Variants in PRORP observed in about 807,000 individuals in gnomAD.
The protein encoded by PRORP is protein only RNase P catalytic subunit.
PRORP carries 51 observed loss-of-function variants against 59.4 expected under a neutral mutation model. The observed-to-expected ratio is 0.86, with a 90% CI of 0.69 to 1.08. PRORP has a LOEUF of 1.08. PRORP is among the 50% of genes least tolerant of loss of function. The pLI is 0.00. For missense variants in PRORP, 646 were observed against 690.3 expected, an observed-to-expected ratio of 0.94 and a Z score of 0.72; for synonymous variants, 231 against 245.6, an observed-to-expected ratio of 0.94 and a Z score of 0.55.
rs191411576 is a variant in PRORP, at chr14:35,220,768, A to G, written c.1275+39991A>G. On this transcript the variant is annotated intron_variant, in intron 5 of 7. Coordinates refer to ENST00000534898, the MANE Select transcript of PRORP (RefSeq NM_014672.4). ...TGGCTTTTATTCTATTCATTCAGCAAATATTTATTGAGGGCCTAATATGTG... is the reference window on the plus strand; with the variant it reads ...TGGCTTTTATTCTATTCATTCAGCAGATATTTATTGAGGGCCTAATATGTG... Among the ~76,000 whole-genome samples, 160 of 152,268 alleles carry G rather than the reference A, an allele frequency of 1.1e-3. No individual in the cohort carries two copies. The Middle Eastern group carries it at 0.024, about 23-fold the overall frequency.
intron 4 of PRORP, among the ~76,000 whole-genome samples, chr14:35,167,975 C>T (rs1467824396): frequency 6.6e-6 from 1 of 152,180 alleles, no homozygotes; most frequent in African/African-American, 2.4e-5. Flanking sequence ...AGTATTAAAG[C>T]AACTGGCTTT....
chr14:35,169,889 CT>C lies in PRORP; in HGVS notation c.1168-10779del, dbSNP rs59843570. 9.9e-4 allele frequency among the ~76,000 whole-genome samples: 151 copies of C among 152,332 alleles called. 1 individual carries two copies. Among genetic ancestry groups the C allele is most frequent in the African/African-American group, 3.5e-3 (146 of 41,580 alleles). ...CGAAGTCCTCACTGATTTTTATCTA[CT>C]TGTTCAATCAATTATGCAGAGAAGA... On this transcript the variant is annotated intron_variant, in intron 4 of 7. Coordinates refer to ENST00000534898, the MANE Select transcript of PRORP (RefSeq NM_014672.4).
chr14:35,259,781 G>A lies in PRORP; in HGVS notation c.1276-6946G>A, dbSNP rs1035935310. 3.3e-5 allele frequency among the ~76,000 whole-genome samples: 5 copies of A among 152,062 alleles called. No individual in the cohort carries two copies. In the East Asian group the frequency reaches 7.7e-4, roughly 23 times the overall value. On this transcript the variant is annotated intron_variant, in intron 5 of 7. Transcript: ENST00000534898. ...ATGGTGCCGTGCACCTGTAATCCAAGCTACTCAGGAGGCTGAGGCAGGAAA... is the reference window on the plus strand; with the variant it reads ...ATGGTGCCGTGCACCTGTAATCCAAACTACTCAGGAGGCTGAGGCAGGAAA...
At chr14:35,126,064 T>C (rs1421435205) in intron 2 of PRORP, among the ~76,000 whole-genome samples, 1 of 152,052 alleles carries the variant, frequency 6.6e-6, no homozygotes, top group African/African-American at 2.4e-5. Context: ...ACAAAGGCAG[T>C]TGCCAAGTGA....
intron 5 of PRORP, among the ~76,000 whole-genome samples, chr14:35,191,380 A>T (rs2048879918): frequency 1.3e-5 from 2 of 152,102 alleles, no homozygotes; most frequent in African/African-American, 4.8e-5. Flanking sequence ...CCTCTTTTTC[A>T]TTATAAATTA....
At chr14:35,217,470 C>T (rs1296894109) in intron 5 of PRORP, among the ~76,000 whole-genome samples, 15 of 145,070 alleles carry the variant, frequency 1.0e-4, no homozygotes, top group Middle Eastern at 3.7e-3. Flanking sequence ...CACTGCACTC[C>T]GGCCTGGGTG....
At chr14:35,239,723 C>T (rs1007678416) in intron 5 of PRORP, among the ~76,000 whole-genome samples, 6 of 152,272 alleles carry the variant, frequency 3.9e-5, no homozygotes, top group South Asian at 2.1e-4. Flanking sequence ...CATGAACTGT[C>T]CTGCCCTGTA....
At chr14:35,143,287 G>T (rs552632262) in intron 4 of PRORP, among the ~76,000 whole-genome samples, 1 of 143,182 alleles carries the variant, frequency 7.0e-6, no homozygotes, top group Non-Finnish European at 1.6e-5. Flanking sequence ...AGCCTCCCCC[G>T]AGTAGCTGGG....
chr14:35,150,125 C>T (rs1051403578), intron 4 of PRORP, among the ~76,000 whole-genome samples: 1 of 152,196 alleles, frequency 6.6e-6, no homozygotes, highest in Non-Finnish European at 1.5e-5. Flanking sequence ...GGATTACAGG[C>T]GTGAGCCACC....
chr14:35,236,294 G>A (rs146859483), intron 5 of PRORP, among the ~76,000 whole-genome samples: 5 of 152,058 alleles, frequency 3.3e-5, no homozygotes, highest in African/African-American at 1.2e-4. Context: ...AAATACCATG[G>A]TAGACTCTTT....
intron 4 of PRORP, among the ~76,000 whole-genome samples, chr14:35,152,960 A>G (rs1370822705): frequency 6.6e-6 from 1 of 151,498 alleles, no homozygotes; most frequent in African/African-American, 2.4e-5. Context: ...GCGGCCAGGC[A>G]GAGACGCTCC....
intron 5 of PRORP, among the ~76,000 whole-genome samples, chr14:35,213,485 G>C (rs1470738341): frequency 1.3e-5 from 2 of 152,060 alleles, no homozygotes; most frequent in African/African-American, 4.8e-5. Context: ...TACACAACTT[G>C]GGTAACTGGC....
chr14:35,234,315 G>A (rs2899831), intron 5 of PRORP, among the ~76,000 whole-genome samples: 123,892 of 152,136 alleles, frequency 0.81, 50,496 homozygotes, highest in Admixed American at 0.85. Context: ...ACTTGGATTC[G>A]CATCTGCTTT....
chr14:35,130,846 C>T (rs2047221948), intron 4 of PRORP, among the ~76,000 whole-genome samples: 1 of 151,982 alleles, frequency 6.6e-6, no homozygotes, highest in Non-Finnish European at 1.5e-5. Flanking sequence ...TACTATGCTG[C>T]CCAGGCTGGT....
At chr14:35,156,485 T>C (rs2047916044) in intron 4 of PRORP, among the ~76,000 whole-genome samples, 1 of 152,230 alleles carries the variant, frequency 6.6e-6, no homozygotes, top group Non-Finnish European at 1.5e-5. Flanking sequence ...TCACTGCATT[T>C]GTGCCAGGAA....
At chr14:35,189,522 A>C (rs2048830360) in intron 5 of PRORP, among the ~76,000 whole-genome samples, 1 of 151,996 alleles carries the variant, frequency 6.6e-6, no homozygotes, top group South Asian at 2.1e-4. Context: ...CAGTTACAGA[A>C]ACTTGGCAGG....
At chr14:35,220,249 G>T (rs1175945878) in intron 5 of PRORP, among the ~76,000 whole-genome samples, 2 of 152,228 alleles carry the variant, frequency 1.3e-5, no homozygotes, top group East Asian at 1.9e-4. Flanking sequence ...AGGAGTTTCA[G>T]GTTTGTAGTC....
At chr14:35,262,953 A>T (rs2050942841) in intron 5 of PRORP, 1 of 1,598,160 alleles carries the variant, frequency 6.3e-7, no homozygotes, top group Non-Finnish European at 8.5e-7. Context: ...GCAAGCCACG[A>T]CAGTTAAAAA....
chr14:35,159,016 C>T (rs1390926458), intron 4 of PRORP: 11 of 319,530 alleles, frequency 3.4e-5, no homozygotes, highest in South Asian at 3.0e-4. Flanking sequence ...TTCCAGTCGT[C>T]CAGATTCCAA....
Sources: gnomAD v4.1 joint callset for allele counts (sites outside exome capture counted in the v4.1 genomes callset) on GRCh38, gnomAD v4.1.1 for gene constraint, MANE v1.5 for transcripts, NCBI Gene and HGNC (gene_info 2026-07-23, HGNC 2026-07-21) for gene names.